CTNNA2: variants seen among roughly 807,000 people sequenced by gnomAD.
The protein encoded by CTNNA2 is catenin alpha-2.
Under a neutral mutation model 101.0 loss-of-function variants are expected in CTNNA2, and 42 were observed. The ratio of observed to expected loss-of-function variants is 0.42; its 90% CI spans 0.32 to 0.54. The LOEUF is 0.54. Among genes scored for constraint, CTNNA2 ranks in the 20% least tolerant of loss-of-function variants. CTNNA2 has a pLI of 0.14. For synonymous variants in CTNNA2, 450 were observed against 456.4 expected, an observed-to-expected ratio of 0.99 and a Z score of 0.18; for missense variants, 871 against 1,223.1, an observed-to-expected ratio of 0.71 and a Z score of 4.29.
intron 2 of CTNNA2, among the ~76,000 whole-genome samples, chr2:79,719,562 G>A (rs951876290): frequency 1.3e-5 from 2 of 152,062 alleles, no homozygotes; most frequent in African/African-American, 4.8e-5. Flanking sequence ...AGTTTCTGTT[G>A]TTTTTTGACT....
rs138072696 is a variant in CTNNA2 at position 79,894,657 on chromosome 2, A to T, written c.853-14937A>T. Reference sequence around the variant, plus strand: ...CCCTTCTTTTCTGAATAATAAATTTATATTCAGCCTTCCAGATCTACTTAT... The same window carrying T: ...CCCTTCTTTTCTGAATAATAAATTTTTATTCAGCCTTCCAGATCTACTTAT... On this transcript the variant is annotated intron_variant, in intron 6 of 18. Coordinates refer to ENST00000402739, the MANE Select transcript of CTNNA2 (RefSeq NM_001282597.3). Among the ~76,000 whole-genome samples the T allele has an allele frequency of 2.1e-4, 32 of 152,196 alleles. 1 individual carries two copies. The highest frequency in any genetic ancestry group is 7.0e-4 in the African/African-American group (29 of 41,534).
intron 2 of CTNNA2, among the ~76,000 whole-genome samples, chr2:79,273,897 G>T (rs1260956039): frequency 6.6e-6 from 1 of 151,512 alleles, no homozygotes; most frequent in African/African-American, 2.4e-5. Context: ...TTCATGCCTT[G>T]TCACCTGACC....
intron 9 of CTNNA2, among the ~76,000 whole-genome samples, chr2:80,485,491 A>T (rs1193349922): frequency 6.6e-6 from 1 of 152,208 alleles, no homozygotes; most frequent in African/African-American, 2.4e-5. Context: ...CAACCTGTTA[A>T]ACAACTTGTG....
intron 7 of CTNNA2, among the ~76,000 whole-genome samples, chr2:79,914,906 C>G (rs900859422): frequency 5.3e-5 from 8 of 151,710 alleles, no homozygotes; most frequent in Non-Finnish European, 1.2e-4. Flanking sequence ...ATACATATTA[C>G]AAGTGTTTGA....
chr2:80,038,853 A>C (rs531266406), intron 7 of CTNNA2, among the ~76,000 whole-genome samples: 1 of 152,078 alleles, frequency 6.6e-6, no homozygotes, highest in African/African-American at 2.4e-5. Flanking sequence ...TGTCTCAAAA[A>C]ATAAAATAAT....
At chr2:79,877,257 A>C (rs557309391) in intron 6 of CTNNA2, among the ~76,000 whole-genome samples, 1 of 152,264 alleles carries the variant, frequency 6.6e-6, no homozygotes, top group African/African-American at 2.4e-5. Flanking sequence ...CAGTTTTGAA[A>C]CAATAATTCC....
chr2:80,416,170 T>C (rs1680026444), intron 8 of CTNNA2, among the ~76,000 whole-genome samples: 1 of 152,058 alleles, frequency 6.6e-6, no homozygotes, highest in Non-Finnish European at 1.5e-5. Flanking sequence ...CTGTGCTGTA[T>C]GCTTGAAATT....
At chr2:80,614,686 A>C (rs1698709677) in intron 17 of CTNNA2, among the ~76,000 whole-genome samples, 1 of 151,546 alleles carries the variant, frequency 6.6e-6, no homozygotes, top group African/African-American at 2.4e-5. Context: ...TAAATAATTT[A>C]AAAATACTTC....
At chr2:80,347,005 A>G (rs913458758) in intron 7 of CTNNA2, among the ~76,000 whole-genome samples, 4 of 152,202 alleles carry the variant, frequency 2.6e-5, no homozygotes, top group African/African-American at 9.6e-5. Context: ...GAAGATCTGG[A>G]CTTACATGCT....
rs77892635 is a variant in CTNNA2, at chr2:79,430,779, A to G, written c.-135+56766A>G. 0.011 allele frequency among the ~76,000 whole-genome samples: 1,618 copies of G among 150,634 alleles called. 81 individuals are homozygous for G. In the East Asian group the frequency reaches 0.13, roughly 12 times the overall value. Reference sequence around the variant, plus strand: ...AGGTATTAATCTGCAGCTATTCCTTATCTATCCCCACATATCTTCCCAAGG... The same window carrying G: ...AGGTATTAATCTGCAGCTATTCCTTGTCTATCCCCACATATCTTCCCAAGG... On this transcript the variant is annotated intron_variant, in intron 4 of 21. Transcript: ENST00000466387.
At chr2:79,371,551 G>A (rs975870689) in intron 3 of CTNNA2, among the ~76,000 whole-genome samples, 4 of 152,096 alleles carry the variant, frequency 2.6e-5, no homozygotes, top group East Asian at 1.9e-4. Flanking sequence ...AAGAAACTCC[G>A]TCACTGCTAA....
intron 3 of CTNNA2, among the ~76,000 whole-genome samples, chr2:79,751,138 T>G (rs1346349898): frequency 6.6e-6 from 1 of 152,082 alleles, no homozygotes; most frequent in East Asian, 1.9e-4. Flanking sequence ...ATTAAAAATT[T>G]TCGAAGACCA....
chr2:79,398,296 T>C (rs1212064736), intron 4 of CTNNA2, among the ~76,000 whole-genome samples: 1 of 152,100 alleles, frequency 6.6e-6, no homozygotes, highest in Non-Finnish European at 1.5e-5. Flanking sequence ...AGCAATAACC[T>C]TTGACTCCCA....
intron 1 of CTNNA2, among the ~76,000 whole-genome samples, chr2:79,602,348 A>G (rs1406359331): frequency 1.3e-5 from 2 of 152,108 alleles, no homozygotes; most frequent in African/African-American, 4.8e-5. Context: ...CCCATTCATG[A>G]TTTAAAAAAA....
At chr2:79,902,977 A>G (rs750869241) in intron 6 of CTNNA2, among the ~76,000 whole-genome samples, 2 of 152,200 alleles carry the variant, frequency 1.3e-5, no homozygotes, top group African/African-American at 4.8e-5. Context: ...TTTGTGTGCC[A>G]TACAGTTTCT....
intron 1 of CTNNA2, among the ~76,000 whole-genome samples, chr2:79,195,095 C>T (rs78251644): frequency 3.3e-5 from 5 of 151,972 alleles, no homozygotes; most frequent in Admixed American, 6.6e-5. Flanking sequence ...AGTGTTCTTC[C>T]GAGGAATTTT....
At chr2:79,233,471 G>A (rs1405251090) in intron 2 of CTNNA2, among the ~76,000 whole-genome samples, 1 of 152,148 alleles carries the variant, frequency 6.6e-6, no homozygotes, top group East Asian at 1.9e-4. Context: ...TTATGTCTGA[G>A]CATATGGCAG....
At chr2:79,630,413 A>G (rs1679610530) in intron 1 of CTNNA2, among the ~76,000 whole-genome samples, 1 of 152,234 alleles carries the variant, frequency 6.6e-6, no homozygotes, top group African/African-American at 2.4e-5. Context: ...ATTAAATATT[A>G]ATAGTCTATG....
rs528207939 is a variant in CTNNA2, at chr2:79,878,168, A to T, written c.852+3826A>T. On this transcript the variant is annotated intron_variant, in intron 6 of 18. Coordinates refer to ENST00000402739, the MANE Select transcript of CTNNA2 (RefSeq NM_001282597.3). ...ATATTATTCCTTCTTATGGCTGCAT[A>T]GTATTCCATGGTGTATATGTAGCAC... Among the ~76,000 whole-genome samples, 14 of 152,298 alleles carry T rather than the reference A, an allele frequency of 9.2e-5. No homozygotes were observed. The South Asian group carries it at 2.9e-3, about 32-fold the overall frequency.
Sources: gnomAD v4.1 joint callset for allele counts (sites outside exome capture counted in the v4.1 genomes callset) on GRCh38, gnomAD v4.1.1 for gene constraint, MANE v1.5 for transcripts, NCBI Gene and HGNC (gene_info 2026-07-23, HGNC 2026-07-21) for gene names.